Variants in MLXIP observed in about 807,000 individuals in gnomAD.
MLXIP encodes MLX-interacting protein.
In MLXIP, 30 loss-of-function variants were observed where a neutral mutation model predicts 87.2. That is an observed-to-expected ratio of 0.34 (90% CI 0.26 to 0.47). The LOEUF (loss-of-function observed/expected upper bound fraction) is 0.47, where lower values mean the gene tolerates loss of function less well. Among genes scored for constraint, MLXIP ranks in the 20% least tolerant of loss-of-function variants. The pLI is 1.00. For missense variants in MLXIP, 1,002 were observed against 1,240.1 expected (o/e 0.81, Z 2.88); for synonymous variants, 530 against 514.0 (o/e 1.03, Z -0.42).
chr12:122,079,984 CATT>C (rs746662032), intron 1 of MLXIP, among the ~76,000 whole-genome samples: 25 of 152,156 alleles, frequency 1.6e-4, no homozygotes, highest in Non-Finnish European at 2.6e-4. Context: ...GGTCCTGAAA[CATT>C]ATATGAGGGA....
intron 15 of MLXIP, 36 bp from the exon 16 acceptor site, chr12:122,140,918 C>G: frequency 1.2e-6 from 2 of 1,614,002 alleles, no homozygotes; most frequent in Non-Finnish European, 1.7e-6. Context: ...CCCAGCCCCT[C>G]TCCGTGCTTG....
At chr12:122,139,499 C>T (rs963733656) in intron 15 of MLXIP, among the ~76,000 whole-genome samples, 13 of 152,330 alleles carry the variant, frequency 8.5e-5, no homozygotes, top group Middle Eastern at 3.4e-3. Flanking sequence ...ACCCTGCCAC[C>T]GCTCTGCCTC....
At chr12:122,094,543 G>C (rs1952316520) in intron 1 of MLXIP, among the ~76,000 whole-genome samples, 1 of 144,032 alleles carries the variant, frequency 6.9e-6, no homozygotes, top group Non-Finnish European at 1.5e-5. Flanking sequence ...TGGTGTGTTG[G>C]TGTGTGGGTG....
intron 1 of MLXIP, among the ~76,000 whole-genome samples, chr12:122,102,420 G>GT (rs1275609489): frequency 2.0e-5 from 3 of 152,178 alleles, no homozygotes; most frequent in African/African-American, 4.8e-5. Context: ...TGTGGAAAGT[G>GT]TGGGAGAGCA....
At chr12:122,138,711 T>C in intron 14 of MLXIP, 104 bp from the exon 15 acceptor site, 1 of 1,517,136 alleles carries the variant, frequency 6.6e-7, no homozygotes, top group Non-Finnish European at 8.8e-7. Flanking sequence ...CTCTTCTCTG[T>C]GCCTGGCTGT....
In MLXIP at chr12:122,133,200, T is replaced by G; in HGVS notation, c.1093-148T>G. 1 of 819,936 alleles carries G rather than the reference T, an allele frequency of 1.2e-6. No individual in the cohort carries two copies. Among genetic ancestry groups the G allele is most frequent in the South Asian group, 2.2e-5 (1 of 45,714 alleles). 50.8% of individuals were successfully genotyped at this position (819,936 alleles called of 1,614,324 possible). A position where few individuals can be genotyped will look rare whatever the true frequency, so the allele number is the denominator to read the frequency against. ...ACACGCAGGGAAACACAAATCCCTA[T>G]CAGATCAGCAGCCATGGACGTGGAG... On this transcript the variant is annotated intron_variant, in intron 8 of 16. Coordinates refer to ENST00000319080, the MANE Select transcript of MLXIP (RefSeq NM_014938.6). This position sits in a 1 kb window ranked among gnomAD's most constrained non-coding sequence, Gnocchi z 4.9.
rs1321883996 is a variant in MLXIP, at chr12:122,137,191, A to G, written c.2033-278A>G. ...TAATAATAAAGAGCCCACCTGCGAA[A>G]TATCTCGTAAAGCGACACCAGTGAC... On this transcript the variant is annotated intron_variant, in intron 11 of 16. Coordinates refer to ENST00000319080, the MANE Select transcript of MLXIP (RefSeq NM_014938.6). This position sits in a 1 kb window ranked among gnomAD's most constrained non-coding sequence, Gnocchi z 4.1. 2 of 272,958 alleles carry G rather than the reference A, an allele frequency of 7.3e-6. No individual in the cohort carries two copies. Among genetic ancestry groups the G allele is most frequent in the Non-Finnish European group, 6.8e-6 (1 of 147,342 alleles). 16.9% of individuals were successfully genotyped at this position (272,958 alleles called of 1,614,324 possible).
At chr12:122,124,741 A>G (rs1298859164) in intron 1 of MLXIP, among the ~76,000 whole-genome samples, 2 of 151,892 alleles carry the variant, frequency 1.3e-5, no homozygotes, top group Non-Finnish European at 2.9e-5. Flanking sequence ...TTTTTTAATT[A>G]TGCCTTTTGC....
rs771131809 is a variant in MLXIP at position 122,127,243 on chromosome 12, C to T, written c.414-13C>T. The T allele has an allele frequency of 2.5e-6, 4 of 1,604,344 alleles. No homozygotes were observed. Among genetic ancestry groups the T allele is most frequent in the Non-Finnish European group, 3.4e-6 (4 of 1,171,750 alleles). Reference sequence around the variant, plus strand: ...GTAACCACTGAGTCTCCCCGCTTTGCCTTGCCTTTCAGTGGGAAGTTGGTG... The same window carrying T: ...GTAACCACTGAGTCTCCCCGCTTTGTCTTGCCTTTCAGTGGGAAGTTGGTG... On this transcript the variant is annotated splice_polypyrimidine_tract_variant and intron_variant, in intron 1 of 16. Coordinates refer to ENST00000319080, the MANE Select transcript of MLXIP (RefSeq NM_014938.6).
At chr12:122,117,082 A>C (rs1593091363) in intron 1 of MLXIP, among the ~76,000 whole-genome samples, 1 of 152,016 alleles carries the variant, frequency 6.6e-6, no homozygotes, top group Non-Finnish European at 1.5e-5. Context: ...ACAAACATAC[A>C]CCCTCACAAA....
At chr12:122,108,599 A>G (rs751796726) in intron 1 of MLXIP, among the ~76,000 whole-genome samples, 1 of 152,040 alleles carries the variant, frequency 6.6e-6, no homozygotes, top group Non-Finnish European at 1.5e-5. Context: ...CTCTAAATGC[A>G]CGCTGGCCCC....
chr12:122,114,572 C>T (rs996425894), intron 1 of MLXIP, among the ~76,000 whole-genome samples: 4 of 152,138 alleles, frequency 2.6e-5, no homozygotes, highest in Non-Finnish European at 5.9e-5. Context: ...ACCCTGTGCT[C>T]CAGGCCCCCA....
chr12:122,119,171 A>C (rs868856525), intron 1 of MLXIP, among the ~76,000 whole-genome samples: 1 of 150,180 alleles, frequency 6.7e-6, no homozygotes, highest in African/African-American at 2.5e-5. Flanking sequence ...CTGTCTCAAA[A>C]AAACAAACAA....
At position 122,137,077 on chromosome 12, in the gene MLXIP, A is replaced by C. The variant is rs561832893; in HGVS notation, c.2033-392A>C. On this transcript the variant is annotated intron_variant, in intron 11 of 16. Transcript: ENST00000319080. This position sits in a 1 kb window ranked among gnomAD's most constrained non-coding sequence, Gnocchi z 4.1. ...CACTTTGGGAGGCAGAGGCAGGTGG[A>C]TCGCTTGAGCCCAGGAGATTGAGAC... 1.3e-5 allele frequency: 2 copies of C among 152,758 alleles called. No homozygotes were observed. Among genetic ancestry groups the C allele is most frequent in the African/African-American group, 2.4e-5 (1 of 41,460 alleles). 9.5% of individuals were successfully genotyped at this position (152,758 alleles called of 1,614,324 possible). A position where few individuals can be genotyped will look rare whatever the true frequency, so the allele number is the denominator to read the frequency against.
At chr12:122,134,070 GACCACCACC>G in intron 9 of MLXIP, 83 bp downstream of exon 9, 1 of 1,448,012 alleles carries the variant, frequency 6.9e-7, no homozygotes, top group Non-Finnish European at 9.2e-7. Flanking sequence ...TCAAACTTGT[GACCACCACC>G]ACCACCCTGG....
chr12:122,139,255 G>T (rs890881971), intron 15 of MLXIP, among the ~76,000 whole-genome samples: 1 of 152,212 alleles, frequency 6.6e-6, no homozygotes, highest in Non-Finnish European at 1.5e-5. Context: ...AAGGAGGCAT[G>T]GTTCCACACA....
chr12:122,086,602 AG>A (rs1216198886), intron 1 of MLXIP, among the ~76,000 whole-genome samples: 1 of 152,132 alleles, frequency 6.6e-6, no homozygotes, highest in African/African-American at 2.4e-5. Flanking sequence ...CCAGTGTCTT[AG>A]GTGATTACTT....
chr12:122,146,640 G>GCA lies in MLXIP; in HGVS notation c.*4830_*4831dup, dbSNP rs1030739355. On this transcript the variant is annotated 3_prime_UTR_variant, in exon 17 of 17. Coordinates refer to ENST00000319080, the MANE Select transcript of MLXIP (RefSeq NM_014938.6). ...TGTATGCGTGTGTGTGTGTGTGTGT[G>GCA]CACGCGCGCGTGTGCGTGTTGACTT... The GCA allele has an allele frequency of 2.3e-5, 3 of 130,704 alleles. No individual in the cohort carries two copies. Among genetic ancestry groups the GCA allele is most frequent in the African/African-American group, 8.0e-5 (3 of 37,716 alleles). 8.1% of individuals were successfully genotyped at this position (130,704 alleles called of 1,614,324 possible). A position where few individuals can be genotyped will look rare whatever the true frequency, so the allele number is the denominator to read the frequency against.
chr12:122,093,853 CAGTGTCT>C (rs1236121603), intron 1 of MLXIP, among the ~76,000 whole-genome samples: 25 of 102,230 alleles, frequency 2.4e-4, no homozygotes, highest in Admixed American at 3.4e-4. Context: ...TGTGTGTTTG[CAGTGTCT>C]GGTGTGTGGG....
Sources: allele counts gnomAD v4.1 joint callset (sites outside exome capture counted in the v4.1 genomes callset), GRCh38; gene constraint gnomAD v4.1.1; non-coding constraint Gnocchi (gnomAD v3.1); transcripts MANE v1.5; gene names NCBI Gene and HGNC (gene_info 2026-07-23, HGNC 2026-07-21).